Variants in RTF2 observed in about 807,000 individuals in gnomAD.
RTF2 encodes UPF0549 protein C20orf43.
Under a neutral mutation model 38.0 loss-of-function variants are expected in RTF2, and 18 were observed. The ratio of observed to expected loss-of-function variants is 0.47; its 90% CI spans 0.33 to 0.70. RTF2 has a LOEUF of 0.70. Among genes scored for constraint, RTF2 ranks in the 30% least tolerant of loss-of-function variants. The pLI, the probability that RTF2 is intolerant of heterozygous loss-of-function variation, is 0.02. For synonymous variants in RTF2, 126 were observed against 137.1 expected, an observed-to-expected ratio of 0.92 and a Z score of 0.57; for missense variants, 311 against 379.6, an observed-to-expected ratio of 0.82 and a Z score of 1.50.
rs576859477 is a variant in RTF2 at position 56,517,028 on chromosome 20, G to A, written c.646+39G>A. On this transcript the variant is annotated intron_variant, in intron 7 of 8. Transcript: ENST00000357348. ...AGAGATCCTTATTTTAGCAAAATGC[G>A]ACTCTAGGGCAGTCTGCTAATATGT... 5 of 1,607,228 alleles carry A rather than the reference G, an allele frequency of 3.1e-6. No individual in the cohort carries two copies. The African/African-American group carries it at 4.0e-5, about 13-fold the overall frequency.
intron 4 of RTF2, among the ~76,000 whole-genome samples, chr20:56,482,002 G>A (rs1189031154): frequency 6.6e-6 from 1 of 152,214 alleles, no homozygotes; most frequent in Non-Finnish European, 1.5e-5. Flanking sequence ...GTCCCCTGCA[G>A]CCTGTTGCTC....
intron 5 of RTF2, among the ~76,000 whole-genome samples, chr20:56,496,027 G>C (rs2146344613): frequency 6.6e-6 from 1 of 152,260 alleles, no homozygotes; most frequent in African/African-American, 2.4e-5. Context: ...ACTTTCTAAA[G>C]ATTTATACTC....
At chr20:56,476,631 C>A (rs969306289) in intron 3 of RTF2, among the ~76,000 whole-genome samples, 2 of 151,888 alleles carry the variant, frequency 1.3e-5, no homozygotes, top group African/African-American at 4.8e-5. Context: ...TCCCGAGTAG[C>A]TGGGATTACA....
At chr20:56,496,718 A>G (rs756784780) in intron 5 of RTF2, 23 of 1,551,794 alleles carry the variant, frequency 1.5e-5, no homozygotes, top group African/African-American at 5.5e-5. Context: ...TGTCTTTTGC[A>G]TGGATGTCAG....
intron 5 of RTF2, among the ~76,000 whole-genome samples, chr20:56,494,844 G>T (rs915454107): frequency 6.6e-6 from 1 of 152,146 alleles, no homozygotes; most frequent in Non-Finnish European, 1.5e-5. Flanking sequence ...TCAAACCCAA[G>T]GTCTCTACCC....
Position 56,517,187 on chromosome 20 carries a change from C to CTT in RTF2, c.729_730insTT (p.Pro244PhefsTer7), listed in dbSNP as rs771208527. The CTT allele has an allele frequency of 6.2e-7, 1 of 1,613,840 alleles. No individual in the cohort carries two copies. The highest frequency in any genetic ancestry group is 8.5e-7 in the Non-Finnish European group (1 of 1,179,920). On this transcript the variant is annotated frameshift_variant, in exon 8 of 9. Coordinates refer to ENST00000357348, the MANE Select transcript of RTF2 (RefSeq NM_016407.5). LOFTEE classifies it high-confidence loss of function. ...TCTAGAGAGAAGAAAACCAACTTGG[C>CTT]TCCCAAAAGCACAGGTGGGTCCTGT...
At chr20:56,509,158 A>G (rs925792888) in intron 5 of RTF2, among the ~76,000 whole-genome samples, 3 of 152,258 alleles carry the variant, frequency 2.0e-5, no homozygotes, top group Non-Finnish European at 4.4e-5. Context: ...GACAAATAAT[A>G]CAATTAAGAA....
chr20:56,497,332 G>A (rs1334237057), intron 5 of RTF2: 18 of 1,550,188 alleles, frequency 1.2e-5, no homozygotes, highest in African/African-American at 4.1e-5. Context: ...TGCAGCCCCC[G>A]AGAAATCCTG....
intron 5 of RTF2, among the ~76,000 whole-genome samples, chr20:56,504,533 C>A (rs963974267): frequency 1.3e-5 from 2 of 152,216 alleles, no homozygotes; most frequent in African/African-American, 4.8e-5. Flanking sequence ...AGACATTTTA[C>A]AAGGCAGGGG....
intron 5 of RTF2, among the ~76,000 whole-genome samples, chr20:56,485,566 G>A (rs924352183): frequency 6.6e-6 from 1 of 152,210 alleles, no homozygotes; most frequent in South Asian, 2.1e-4. Flanking sequence ...CCTAGGCCCG[G>A]AGGCAGGCAG....
intron 2 of RTF2, 120 bp from the exon 3 acceptor site, chr20:56,474,558 A>G (rs1018259478): frequency 5.1e-6 from 3 of 589,232 alleles, no homozygotes; most frequent in Non-Finnish European, 8.9e-6. Context: ...CTTTTTAATA[A>G]TTCAGGGTAT....
At position 56,474,014 on chromosome 20, in the gene RTF2, T is replaced by C. The variant is rs182565401; in HGVS notation, c.164+619T>C. On this transcript the variant is annotated intron_variant, in intron 2 of 8. Coordinates refer to ENST00000357348, the MANE Select transcript of RTF2 (RefSeq NM_016407.5). ...GTCCAAAGCGGGAGCTGCCACTCAGTTCCAGCCAGTTTTTACAGCTCAATG... is the reference window on the plus strand; with the variant it reads ...GTCCAAAGCGGGAGCTGCCACTCAGCTCCAGCCAGTTTTTACAGCTCAATG... Among the ~76,000 whole-genome samples, 8 of 152,350 alleles carry C rather than the reference T, an allele frequency of 5.3e-5. No homozygotes were observed. In the East Asian group the frequency reaches 1.3e-3, roughly 26 times the overall value.
intron 4 of RTF2, 64 bp downstream of exon 4, chr20:56,477,188 A>G (rs995183629): frequency 1.1e-5 from 17 of 1,586,716 alleles, no homozygotes; most frequent in Admixed American, 1.8e-5. Context: ...TTTTGGTGGC[A>G]GTGGTGCCGG....
chr20:56,513,048 T>G (rs960885685), intron 5 of RTF2, among the ~76,000 whole-genome samples: 2 of 152,156 alleles, frequency 1.3e-5, no homozygotes, highest in Non-Finnish European at 2.9e-5. Context: ...CTCTTGTCAG[T>G]TAAAAAATGG....
At chr20:56,469,948 T>C (rs1401699451) in intron 1 of RTF2, among the ~76,000 whole-genome samples, 1 of 152,264 alleles carries the variant, frequency 6.6e-6, no homozygotes, top group Non-Finnish European at 1.5e-5. Context: ...ATCTGTCCAC[T>C]GTAACTGAAA....
chr20:56,515,491 G>A (rs554745296), intron 6 of RTF2, among the ~76,000 whole-genome samples: 5 of 152,192 alleles, frequency 3.3e-5, no homozygotes, highest in Admixed American at 3.3e-4. Context: ...AGAATTGGTT[G>A]AACTTGGGAG....
intron 1 of RTF2, among the ~76,000 whole-genome samples, chr20:56,469,165 A>G (rs547547631): frequency 6.6e-6 from 1 of 152,312 alleles, no homozygotes; most frequent in South Asian, 2.1e-4. Context: ...AGTTTTGTAT[A>G]CACTAACTTC....
At chr20:56,470,517 G>A (rs759759407) in intron 1 of RTF2, 37 of 449,500 alleles carry the variant, frequency 8.2e-5, no homozygotes, top group Non-Finnish European at 1.4e-4. Context: ...TCAATATTGT[G>A]AAATCTGCCC....
chr20:56,485,450 T>G (rs1484579537), intron 5 of RTF2, among the ~76,000 whole-genome samples: 2 of 152,176 alleles, frequency 1.3e-5, no homozygotes, highest in African/African-American at 4.8e-5. Flanking sequence ...TGGATGTTAT[T>G]CGAAGAGCAG....
Sources: allele counts gnomAD v4.1 joint callset (sites outside exome capture counted in the v4.1 genomes callset), GRCh38; gene constraint gnomAD v4.1.1; transcripts MANE v1.5; gene names NCBI Gene and HGNC (gene_info 2026-07-23, HGNC 2026-07-21).